The following CACNA2D4 variants were observed in gnomAD, a reference collection of about 807,000 sequenced individuals.
The protein encoded by CACNA2D4 is calcium voltage-gated channel auxiliary subunit alpha2delta 4.
Under a neutral mutation model 163.8 loss-of-function variants are expected in CACNA2D4, and 157 were observed. The ratio of observed to expected loss-of-function variants is 0.96; its 90% CI spans 0.84 to 1.09. The LOEUF is 1.09. Ranked by LOEUF, CACNA2D4 falls within the 50% of genes least tolerant of loss-of-function variation. The pLI is 0.00. For missense variants in CACNA2D4, 1,410 were observed against 1,479.9 expected (o/e 0.95, Z 0.78); for synonymous variants, 598 against 586.9 (o/e 1.02, Z -0.27).
intron 26 of CACNA2D4, among the ~76,000 whole-genome samples, chr12:1,817,161 C>T (rs989889335): frequency 5.9e-5 from 9 of 152,188 alleles, no homozygotes; most frequent in African/African-American, 1.4e-4. Flanking sequence ...AGGTGCACAG[C>T]GAATACTTAG....
At chr12:1,848,845 C>T (rs1865212671) in intron 23 of CACNA2D4, among the ~76,000 whole-genome samples, 1 of 152,156 alleles carries the variant, frequency 6.6e-6, no homozygotes, top group Admixed American at 6.5e-5. Flanking sequence ...TGGGCTCAAA[C>T]GATCCTCTCG....
chr12:1,882,814 G>C, intron 13 of CACNA2D4, 53 bp downstream of exon 13: 1 of 1,601,148 alleles, frequency 6.2e-7, no homozygotes, highest in East Asian at 2.2e-5. Context: ...TACTCCCTGG[G>C]GTCCCTAACT....
chr12:1,881,429 C>T (rs572171013), intron 13 of CACNA2D4, among the ~76,000 whole-genome samples: 7 of 152,234 alleles, frequency 4.6e-5, no homozygotes, highest in African/African-American at 7.2e-5. Flanking sequence ...CTTCTCTCAT[C>T]GGATTTCATG....
At chr12:1,827,308 C>CCCTTGTCCCCCGCGAAGGAAG (rs1336193213) in intron 26 of CACNA2D4, 1 of 152,628 alleles carries the variant, frequency 6.6e-6, no homozygotes, top group Non-Finnish European at 1.5e-5. Context: ...GGTAAGTGCC[C>CCCTTGTCCCCCGCGAAGGAAG]CCTTGTCCCC....
chr12:1,795,582 G>T, intron 36 of CACNA2D4, 86 bp downstream of exon 36: 1 of 1,020,800 alleles, frequency 9.8e-7, no homozygotes, highest in South Asian at 1.3e-5. Context: ...GAAGGAGGCT[G>T]GCCCCGCTGC....
At chr12:1,887,135 G>T in intron 6 of CACNA2D4, 66 bp from the exon 7 acceptor site, 1 of 1,149,672 alleles carries the variant, frequency 8.7e-7, no homozygotes, top group Non-Finnish European at 1.3e-6. Context: ...CTGGCTGGGT[G>T]TGGACCCCCA....
chr12:1,907,681 G>A, intron 5 of CACNA2D4, 110 bp from the exon 6 acceptor site: 6 of 1,192,302 alleles, frequency 5.0e-6, no homozygotes, highest in Non-Finnish European at 7.2e-6. Flanking sequence ...TCTGGTAAGC[G>A]TGCCTGGTGG....
intron 19 of CACNA2D4, among the ~76,000 whole-genome samples, chr12:1,858,895 C>G (rs1049255040): frequency 1.3e-5 from 2 of 152,184 alleles, no homozygotes; most frequent in African/African-American, 2.4e-5. Context: ...ACCAAGAGCC[C>G]TCTCAGCTCC....
intron 23 of CACNA2D4, among the ~76,000 whole-genome samples, chr12:1,853,329 G>A (rs1297478035): frequency 6.6e-6 from 1 of 152,100 alleles, no homozygotes; most frequent in Non-Finnish European, 1.5e-5. Context: ...TTCTGTAGGT[G>A]TTTTTTATTA....
rs958355275 is a variant in CACNA2D4, at chr12:1,843,243, CT to C, written c.2470+1158del. ...GGGGGCGGGGTGGAGCTCCTCCCTGCTGTTTGCCTTCCCTGTCCTGGTCCCA... is the reference window on the plus strand; with the variant it reads ...GGGGGCGGGGTGGAGCTCCTCCCTGCGTTTGCCTTCCCTGTCCTGGTCCCA... On this transcript the variant is annotated intron_variant, in intron 25 of 37. Transcript: ENST00000382722. The surrounding 1 kb of genome is among the most constrained non-coding windows in gnomAD (Gnocchi z 4.6). Among the ~76,000 whole-genome samples the C allele has an allele frequency of 6.6e-6, 1 of 152,180 alleles. No individual in the cohort carries two copies. Among genetic ancestry groups the C allele is most frequent in the African/African-American group, 2.4e-5 (1 of 41,456 alleles).
chr12:1,812,415 G>A (rs1292467103), intron 26 of CACNA2D4, among the ~76,000 whole-genome samples: 1 of 152,208 alleles, frequency 6.6e-6, no homozygotes. Context: ...AACCCAAGCA[G>A]GTGCTCACAT....
At chr12:1,904,825 C>A (rs1479118423) in intron 6 of CACNA2D4, among the ~76,000 whole-genome samples, 1 of 151,796 alleles carries the variant, frequency 6.6e-6, no homozygotes, top group Admixed American at 6.6e-5. Context: ...GACAGTAATG[C>A]AGAAAATGAT....
At position 1,802,340 on chromosome 12, in the gene CACNA2D4, C is replaced by T. The variant is rs575695140; in HGVS notation, c.2722-696G>A. The stretch of plus-strand genomic sequence containing the variant: ...CTGCCAGAGTCATCTTACTCAAATG[C>T]AACATGGATGGGTCACTCTTGCCTT... On this transcript the variant is annotated intron_variant, in intron 29 of 37. Transcript: ENST00000382722. This position sits in a 1 kb window ranked among gnomAD's most constrained non-coding sequence, Gnocchi z 4.7. 4.6e-5 allele frequency among the ~76,000 whole-genome samples: 7 copies of T among 152,308 alleles called. No individual in the cohort carries two copies. The highest frequency in any genetic ancestry group is 1.4e-4 in the African/African-American group (6 of 41,570).
chr12:1,867,783 A>G (rs7304101), intron 18 of CACNA2D4, among the ~76,000 whole-genome samples: 7,110 of 152,206 alleles, frequency 0.047, 420 homozygotes, highest in African/African-American at 0.14. Flanking sequence ...CACCCCACAC[A>G]TCCAAATAAT....
Position 1,828,233 on chromosome 12 carries a change from CT to C in CACNA2D4, c.2551+12505del, listed in dbSNP as rs200969453. 1.9e-3 allele frequency: 2,951 copies of C among 1,536,746 alleles called. 36 individuals are homozygous for C. The African/African-American group carries it at 0.034, about 18-fold the overall frequency. On this transcript the variant is annotated intron_variant, in intron 26 of 37. Coordinates refer to ENST00000382722, the MANE Select transcript of CACNA2D4 (RefSeq NM_172364.5). This position sits in a 1 kb window ranked among gnomAD's most constrained non-coding sequence, Gnocchi z 4.2. ...AGTCTCCTGTGAGTACACCCCTGGCCTCGGAGGGGGGTGCGGGTTGGGTGGG... is the reference window on the plus strand; with the variant it reads ...AGTCTCCTGTGAGTACACCCCTGGCCCGGAGGGGGGTGCGGGTTGGGTGGG...
chr12:1,872,721 G>A (rs552659725), intron 18 of CACNA2D4, among the ~76,000 whole-genome samples: 4 of 152,198 alleles, frequency 2.6e-5, no homozygotes, highest in South Asian at 2.1e-4. Context: ...ACACTGCCTC[G>A]GCGGCCCCAC....
chr12:1,915,840 A>G (rs1326293590), intron 1 of CACNA2D4, among the ~76,000 whole-genome samples: 3 of 152,190 alleles, frequency 2.0e-5, no homozygotes, highest in African/African-American at 7.2e-5. Context: ...CGATCCTTTC[A>G]AGATCAGCAG....
chr12:1,804,097 G>A (rs1030732516), intron 29 of CACNA2D4, among the ~76,000 whole-genome samples: 10 of 151,512 alleles, frequency 6.6e-5, no homozygotes, highest in Non-Finnish European at 1.3e-4. Context: ...CTCAGCTGGG[G>A]CTCGCTTTTT....
chr12:1,805,633 C>CGGGGTG, intron 29 of CACNA2D4, among the ~76,000 whole-genome samples: 1 of 151,880 alleles, frequency 6.6e-6, no homozygotes, highest in Non-Finnish European at 1.5e-5. Context: ...CGTGGAGGAG[C>CGGGGTG]GGGGTGGGGG....
Sources: gnomAD v4.1 joint callset for allele counts (sites outside exome capture counted in the v4.1 genomes callset) on GRCh38, gnomAD v4.1.1 for gene constraint, Gnocchi (gnomAD v3.1) non-coding constraint, MANE v1.5 for transcripts, NCBI Gene and HGNC (gene_info 2026-07-23, HGNC 2026-07-21) for gene names.